The following CDCA7L variants were observed in gnomAD, a reference collection of about 807,000 sequenced individuals.
CDCA7L encodes the protein cell division cycle associated 7 like.
CDCA7L carries 44 observed loss-of-function variants against 57.4 expected under a neutral mutation model. The observed-to-expected ratio is 0.77, with a 90% confidence interval of 0.60 to 0.98. The LOEUF is 0.98. CDCA7L is among the 50% of genes least tolerant of loss of function. CDCA7L has a pLI of 0.00. For missense variants in CDCA7L, 644 were observed against 580.6 expected (o/e 1.11, Z -1.12); for synonymous variants, 236 against 202.8 (o/e 1.16, Z -1.39).
At chr7:21,904,961 C>G (rs1785091192) in intron 7 of CDCA7L, among the ~76,000 whole-genome samples, 1 of 152,208 alleles carries the variant, frequency 6.6e-6, no homozygotes, top group South Asian at 2.1e-4. Context: ...CGGCCCCAGC[C>G]TAGCTCTGCA....
rs1785202113 is a variant in CDCA7L at position 21,908,239 on chromosome 7, T to C, written c.572A>G (p.Gln191Arg). ...ERKKDCRQVI[Q>R]REDSTSESED... Reference sequence around the variant, plus strand: ...AGACTCAGAGGTAGAATCTTCCCTTTGTATCACCTGTCTACAGTCTTTCTT... The same window carrying C: ...AGACTCAGAGGTAGAATCTTCCCTTCGTATCACCTGTCTACAGTCTTTCTT... The change falls in exon 4 of 10, where the codon CAA becomes CGA. Residue 191 changes from glutamine (Q) to arginine (R), a missense_variant. By Grantham distance (43) the Gln-to-Arg change is conservative. Transcript: ENST00000406877. 1 of 1,613,570 alleles carries C rather than the reference T, an allele frequency of 6.2e-7. No individual in the cohort carries two copies. The highest frequency in any genetic ancestry group is 1.7e-5 in the Admixed American group (1 of 59,918).
intron 1 of CDCA7L, among the ~76,000 whole-genome samples, chr7:21,927,244 T>C (rs748815930): frequency 1.3e-5 from 2 of 152,024 alleles, no homozygotes; most frequent in African/African-American, 2.4e-5. Context: ...AACTATCCTA[T>C]GCTGAAAGAA....
chr7:21,906,670 C>T lies in CDCA7L; in HGVS notation c.682-31G>A, dbSNP rs139406658. The T allele has an allele frequency of 6.1e-4, 988 of 1,608,804 alleles. 7 individuals are homozygous for T. The African/African-American group carries it at 0.011, about 18-fold the overall frequency. The stretch of plus-strand genomic sequence containing the variant: ...GTTCAGAACAAAAGAAAGAATCTTA[C>T]AAAAATAGGGCTCCAGGTTTAGGTC... On this transcript the variant is annotated intron_variant, in intron 4 of 9. Coordinates refer to ENST00000406877, the MANE Select transcript of CDCA7L (RefSeq NM_018719.5).
intron 1 of CDCA7L, among the ~76,000 whole-genome samples, chr7:21,944,364 T>C (rs1411960775): frequency 7.1e-6 from 1 of 141,016 alleles, no homozygotes; most frequent in Non-Finnish European, 1.5e-5. Flanking sequence ...GGCAGGAAAA[T>C]TGCTTGAACC....
chr7:21,934,329 A>G (rs1478305492), intron 1 of CDCA7L, among the ~76,000 whole-genome samples: 1 of 152,208 alleles, frequency 6.6e-6, no homozygotes, highest in Non-Finnish European at 1.5e-5. Context: ...ATGTCGCTGA[A>G]GTGAAATTGG....
At chr7:21,918,013 A>G (rs1785540058) in intron 1 of CDCA7L, among the ~76,000 whole-genome samples, 1 of 152,240 alleles carries the variant, frequency 6.6e-6, no homozygotes, top group African/African-American at 2.4e-5. Context: ...TTTTAGATAG[A>G]CCATGACAAC....
rs549499479 is a variant in CDCA7L, at chr7:21,914,078, A to T, written c.166-2324T>A. ...CCATGATCAGGACCATAAGCAAATAACACATCAGAGGAGAAGCTAACATAG... is the reference window on the plus strand; with the variant it reads ...CCATGATCAGGACCATAAGCAAATATCACATCAGAGGAGAAGCTAACATAG... On this transcript the variant is annotated intron_variant, in intron 2 of 9. Transcript: ENST00000406877. Among the ~76,000 whole-genome samples the T allele has an allele frequency of 2.0e-5, 3 of 152,330 alleles. No individual in the cohort carries two copies. The East Asian group carries it at 5.8e-4, about 29-fold the overall frequency.
At chr7:21,913,487 G>C (rs111566279) in intron 2 of CDCA7L, among the ~76,000 whole-genome samples, 7,718 of 152,310 alleles carry the variant, frequency 0.051, 218 homozygotes, top group South Asian at 0.1. Flanking sequence ...GTGGGGTCGG[G>C]GTAGAGAAGC....
At chr7:21,940,412 G>C (rs916809909) in intron 1 of CDCA7L, 3 of 411,980 alleles carry the variant, frequency 7.3e-6, no homozygotes, top group African/African-American at 6.5e-5. Context: ...TATTTATTAG[G>C]CATCTAATAC....
intron 1 of CDCA7L, among the ~76,000 whole-genome samples, chr7:21,932,980 CA>C (rs1243677316): frequency 6.6e-6 from 1 of 151,562 alleles, no homozygotes; most frequent in Non-Finnish European, 1.5e-5. Flanking sequence ...ACAACTTCAT[CA>C]AAAAGTGGGC....
rs1785858105 is a variant in CDCA7L, at chr7:21,927,252, GA to G, written c.25-10359del. ...CAAAGAAAACTATCCTATGCTGAAA[GA>G]ACAAAAAGCACAAAGAACTAACGTG... is the stretch of plus-strand genomic sequence containing the variant. On this transcript the variant is annotated intron_variant, in intron 1 of 9. Transcript: ENST00000406877. Among the ~76,000 whole-genome samples, 3 of 152,058 alleles carry G rather than the reference GA, an allele frequency of 2.0e-5. No individual in the cohort carries two copies. In the South Asian group the frequency reaches 6.2e-4, roughly 31 times the overall value.
At chr7:21,905,312 C>A (rs540538259) in intron 7 of CDCA7L, among the ~76,000 whole-genome samples, 194 bp downstream of exon 7, 1 of 152,124 alleles carries the variant, frequency 6.6e-6, no homozygotes, top group Non-Finnish European at 1.5e-5. Flanking sequence ...GAGAGACCGC[C>A]GTCCAGATGG....
intron 3 of CDCA7L, among the ~76,000 whole-genome samples, chr7:21,909,005 A>G (rs1785231687): frequency 6.6e-6 from 1 of 152,190 alleles, no homozygotes; most frequent in African/African-American, 2.4e-5. Context: ...GACCCAGGAC[A>G]GGCAGATGAC....
At chr7:21,907,137 CTAA>C (rs372698508) in intron 4 of CDCA7L, among the ~76,000 whole-genome samples, 550 of 152,038 alleles carry the variant, frequency 3.6e-3, no homozygotes, top group African/African-American at 0.012. Context: ...CCTACGTGAA[CTAA>C]TAATACCAAA....
Position 21,908,459 on chromosome 7 carries a change from C to A in CDCA7L, c.352G>T (p.Glu118Ter). 6.4e-7 allele frequency: 1 copy of A among 1,557,736 alleles called. No individual in the cohort carries two copies. The highest frequency in any genetic ancestry group is 8.6e-7 in the Non-Finnish European group (1 of 1,159,718). Residue 118 changes from glutamate to a stop codon, truncating the protein, a stop_gained, in exon 4 of 10, where the codon GAG becomes TAG. Transcript: ENST00000406877. LOFTEE classifies it high-confidence loss of function. Reference sequence around the variant, plus strand: ...TCTTCTTCTTCATCTTCCTCTTCCTCGCTCACCAAAGATGCTTTGCCATCA... The same window carrying A: ...TCTTCTTCTTCATCTTCCTCTTCCTAGCTCACCAAAGATGCTTTGCCATCA... ...SDDGKASLVS[E>*]EEEDEEEDKA...
intron 1 of CDCA7L, among the ~76,000 whole-genome samples, chr7:21,931,143 G>A (rs1785996410): frequency 6.6e-6 from 1 of 152,104 alleles, no homozygotes; most frequent in Non-Finnish European, 1.5e-5. Context: ...TTAATGGCCT[G>A]CCAACCAAAA....
chr7:21,920,637 T>C (rs1047670654), intron 1 of CDCA7L, among the ~76,000 whole-genome samples: 2 of 152,238 alleles, frequency 1.3e-5, no homozygotes, highest in African/African-American at 4.8e-5. Context: ...CCACACGTAG[T>C]GCAGCACTAG....
intron 1 of CDCA7L, among the ~76,000 whole-genome samples, chr7:21,925,432 C>T (rs907166377): frequency 3.3e-5 from 5 of 152,138 alleles, no homozygotes; most frequent in African/African-American, 1.2e-4. Context: ...GGACACTGAA[C>T]CCAAGGCTTC....
At chr7:21,930,465 G>C (rs1785970755) in intron 1 of CDCA7L, among the ~76,000 whole-genome samples, 1 of 152,150 alleles carries the variant, frequency 6.6e-6, no homozygotes, top group African/African-American at 2.4e-5. Flanking sequence ...GGGAGGCCGA[G>C]GTGGGCAGAT....
Sources: gnomAD v4.1 joint callset for allele counts (sites outside exome capture counted in the v4.1 genomes callset) on GRCh38, gnomAD v4.1.1 for gene constraint, MANE v1.5 for transcripts, NCBI Gene and HGNC (gene_info 2026-07-23, HGNC 2026-07-21) for gene names.